Variants in DLX3 observed in about 807,000 individuals in gnomAD.
DLX3 encodes the protein homeobox protein DLX-3.
In DLX3, 9 loss-of-function variants were observed where a neutral mutation model predicts 28.0. The ratio of observed to expected loss-of-function variants is 0.32; its 90% CI spans 0.19 to 0.56. The LOEUF is 0.56. Among genes scored for constraint, DLX3 ranks in the 20% least tolerant of loss-of-function variants. DLX3 has a pLI of 0.91. For missense variants in DLX3, 313 were observed against 378.2 expected (o/e 0.83, Z 1.43); for synonymous variants, 154 against 167.9 (o/e 0.92, Z 0.64).
intron 2 of DLX3, 107 bp downstream of exon 2, chr17:49,993,293 A>AACTCTT (rs1906157173): frequency 8.3e-7 from 1 of 1,208,344 alleles, no homozygotes; most frequent in African/African-American, 1.5e-5. Flanking sequence ...CAAAGGCAAG[A>AACTCTT]GTTCCAGGAG....
At position 49,995,050 on chromosome 17, in the gene DLX3, G is replaced by A. The variant is rs751977901; in HGVS notation, c.-52C>T. ...GCTGGCCTCCGCAGAGGACAGGAAC[G>A]GACCGGAGTGCGAGAGAGGCGGAAG... On this transcript the variant is annotated 5_prime_UTR_variant, in exon 1 of 3. Transcript: ENST00000434704. 8.2e-6 allele frequency: 13 copies of A among 1,589,668 alleles called. No individual in the cohort carries two copies. The Admixed American group carries it at 2.3e-4, about 28-fold the overall frequency.
chr17:49,992,980 A>C (rs1906144468), intron 2 of DLX3, among the ~76,000 whole-genome samples: 2 of 152,220 alleles, frequency 1.3e-5, no homozygotes, highest in Admixed American at 1.3e-4. Flanking sequence ...ATCGTTATGC[A>C]CAATGACCCC....
Position 49,991,429 on chromosome 17 carries a change from C to G in DLX3, c.*88G>C, listed in dbSNP as rs1161012333. ...GGAAAGGGAGTTCCTTTTCCCTGTG[C>G]TCCTCGATGATTCCTGAGTGGCTAG... On this transcript the variant is annotated 3_prime_UTR_variant, in exon 3 of 3. Coordinates refer to ENST00000434704, the MANE Select transcript of DLX3 (RefSeq NM_005220.3). The G allele has an allele frequency of 8.4e-7, 1 of 1,187,722 alleles. No homozygotes were observed. The highest frequency in any genetic ancestry group is 1.2e-6 in the Non-Finnish European group (1 of 858,500). The allele number at this position is 1,187,722 out of a possible 1,614,324, so 73.6% of individuals were successfully genotyped here.
intron 2 of DLX3, among the ~76,000 whole-genome samples, chr17:49,993,017 A>G (rs1413480661): frequency 1.3e-5 from 2 of 152,296 alleles, no homozygotes; most frequent in African/African-American, 4.8e-5. Context: ...TTACATGAGC[A>G]TCCTCCGGTG....
rs543871008 is a variant in DLX3 at position 49,995,129 on chromosome 17, G to C, written c.-131C>G. Reference sequence around the variant, plus strand: ...GCGAAGGGAGGACCCGGCCGCGTCTGGGGGGAGGGGGAGGCCGAGAGGCGC... The same window carrying C: ...GCGAAGGGAGGACCCGGCCGCGTCTCGGGGGAGGGGGAGGCCGAGAGGCGC... On this transcript the variant is annotated 5_prime_UTR_variant, in exon 1 of 3. Coordinates refer to ENST00000434704, the MANE Select transcript of DLX3 (RefSeq NM_005220.3). 9,361 of 1,175,136 alleles carry C rather than the reference G, an allele frequency of 8.0e-3. 49 individuals carry two copies. Among genetic ancestry groups the C allele is most frequent in the Non-Finnish European group, 9.9e-3 (8,103 of 821,620 alleles). 72.8% of individuals were successfully genotyped at this position (1,175,136 alleles called of 1,614,324 possible).
chr17:49,994,776 C>T lies in DLX3; in HGVS notation c.223G>A (p.Ala75Thr). The change falls in exon 1 of 3, where the codon GCA (alanine) becomes ACA (threonine). Residue 75 changes from alanine (A) to threonine (T), a missense_variant. By Grantham distance (58) the Ala-to-Thr change is moderately conservative. This residue lies in a region of DLX3 where 183 missense variants were observed against 197.7 expected (regional missense o/e 0.93). Coordinates refer to ENST00000434704, the MANE Select transcript of DLX3 (RefSeq NM_005220.3). ...YHHQFNLNGL[A>T]GTGAYSPKSE... ...TTGGGCGAGTAAGCGCCCGTGCCTG[C>T]AAGCCCATTGAGATTGAATTGGTGG... 3.1e-6 allele frequency: 5 copies of T among 1,614,236 alleles called. No individual in the cohort carries two copies. Among genetic ancestry groups the T allele is most frequent in the Non-Finnish European group, 4.2e-6 (5 of 1,180,038 alleles).
At chr17:49,993,910 C>T (rs1183029908) in intron 1 of DLX3, among the ~76,000 whole-genome samples, 1 of 152,092 alleles carries the variant, frequency 6.6e-6, no homozygotes, top group South Asian at 2.1e-4. Flanking sequence ...CCTCGGGGCT[C>T]CTCGCCGCCC....
In DLX3 at chr17:49,995,004, C is replaced by T. The variant is rs769426660; in HGVS notation, c.-6G>A. On this transcript the variant is annotated 5_prime_UTR_variant, in exon 1 of 3. Coordinates refer to ENST00000434704, the MANE Select transcript of DLX3 (RefSeq NM_005220.3). Reference sequence around the variant, plus strand: ...CGATCGAAGGAGCCACTCATCCTGGCGGGCGCTGCACCTCCCCAGGGCTGG... The same window carrying T: ...CGATCGAAGGAGCCACTCATCCTGGTGGGCGCTGCACCTCCCCAGGGCTGG... The T allele has an allele frequency of 2.3e-5, 37 of 1,609,996 alleles. No individual in the cohort carries two copies. Among genetic ancestry groups the T allele is most frequent in the Non-Finnish European group, 3.1e-5 (37 of 1,179,906 alleles).
chr17:49,993,217 T>C (rs990637983), intron 2 of DLX3, among the ~76,000 whole-genome samples, 183 bp downstream of exon 2: 2 of 152,228 alleles, frequency 1.3e-5, no homozygotes, highest in African/African-American at 4.8e-5. Context: ...TTCACAACTA[T>C]GCTCACTTGT....
chr17:49,991,393 G>A lies in DLX3; in HGVS notation c.*124C>T. 1.1e-6 allele frequency: 1 copy of A among 882,086 alleles called. No homozygotes were observed. The highest frequency in any genetic ancestry group is 1.8e-5 in the South Asian group (1 of 56,490). 54.6% of individuals were successfully genotyped at this position (882,086 alleles called of 1,614,324 possible). A position where few individuals can be genotyped will look rare whatever the true frequency, so the allele number is the denominator to read the frequency against. On this transcript the variant is annotated 3_prime_UTR_variant, in exon 3 of 3. Transcript: ENST00000434704. ...AGCGCTTGGGTCCCTGGAGGAAGGG[G>A]CAAGGGAGGGGGAAAGGGAGTTCCT...
Position 49,991,241 on chromosome 17 carries a change from G to A in DLX3, c.*276C>T, listed in dbSNP as rs1906074237. 2.2e-6 allele frequency: 1 copy of A among 453,038 alleles called. No individual in the cohort carries two copies. The highest frequency in any genetic ancestry group is 3.9e-6 in the Non-Finnish European group (1 of 257,332). 28.1% of individuals were successfully genotyped at this position (453,038 alleles called of 1,614,324 possible). A position where few individuals can be genotyped will look rare whatever the true frequency, so the allele number is the denominator to read the frequency against. ...CATTTAAAGCCAATCCAGGCTCCTG[G>A]AGCAGGTAGGGGAATGGCTGTCCCC... On this transcript the variant is annotated 3_prime_UTR_variant, in exon 3 of 3. Coordinates refer to ENST00000434704, the MANE Select transcript of DLX3 (RefSeq NM_005220.3).
chr17:49,994,508 T>C, intron 1 of DLX3, among the ~76,000 whole-genome samples, 166 bp downstream of exon 1: 1 of 152,242 alleles, frequency 6.6e-6, no homozygotes, highest in South Asian at 2.1e-4. Flanking sequence ...CACCCGGGGC[T>C]GGAAGGTCGC....
Position 49,995,151 on chromosome 17 carries a change from G to T in DLX3, c.-153C>A. ...TCTGGGGGGAGGGGGAGGCCGAGAG[G>T]CGCTTACACCATTGCCTGCCGTCAG... On this transcript the variant is annotated 5_prime_UTR_variant, in exon 1 of 3. Transcript: ENST00000434704. 2.1e-6 allele frequency: 2 copies of T among 936,256 alleles called. No individual in the cohort carries two copies. The highest frequency in any genetic ancestry group is 1.6e-6 in the Non-Finnish European group (1 of 607,472). 58.0% of individuals were successfully genotyped at this position (936,256 alleles called of 1,614,324 possible).
At chr17:49,994,045 G>C (rs1308454698) in intron 1 of DLX3, among the ~76,000 whole-genome samples, 1 of 151,720 alleles carries the variant, frequency 6.6e-6, no homozygotes, top group Non-Finnish European at 1.5e-5. Flanking sequence ...CAGAAAAGTT[G>C]CAAGGATAGT....
Position 49,993,589 on chromosome 17 carries a change from C to T in DLX3, c.327G>A (p.Val109=). The change falls in exon 2 of 3, where the codon GTG becomes GTA. Residue 109 remains valine (V), a splice_region_variant and synonymous_variant. Transcript: ENST00000434704. ...CTGCTTCCGGCTCCTCCTTCACCGA[C>T]ACTGCGGGGAACGCACCGGGCGGAA... ...REQPLPAQDP[V]SVKEEPEAEV... The T allele has an allele frequency of 6.2e-7, 1 of 1,613,310 alleles. No individual in the cohort carries two copies. The highest frequency in any genetic ancestry group is 8.5e-7 in the Non-Finnish European group (1 of 1,179,626).
chr17:49,993,740 G>A, intron 1 of DLX3, 150 bp from the exon 2 acceptor site: 7 of 803,050 alleles, frequency 8.7e-6, no homozygotes, highest in Non-Finnish European at 1.2e-5. Flanking sequence ...CCGCGGCCCA[G>A]GGGGGAGCCG....
At chr17:49,994,063 T>C (rs537326896) in intron 1 of DLX3, among the ~76,000 whole-genome samples, 2 of 151,926 alleles carry the variant, frequency 1.3e-5, no homozygotes, top group South Asian at 4.2e-4. Flanking sequence ...AGTGCAGACT[T>C]TCTTTCTTTC....
rs954322986 is a variant in DLX3 at position 49,990,784 on chromosome 17, G to T, written c.*733C>A. On this transcript the variant is annotated 3_prime_UTR_variant, in exon 3 of 3. Coordinates refer to ENST00000434704, the MANE Select transcript of DLX3 (RefSeq NM_005220.3). ...CAAAGTTGTGCAAAGTCCTGGACAT[G>T]GAAGAAATAAGTCCATAGGAAAAAC... The T allele has an allele frequency of 5.2e-5, 8 of 152,624 alleles. No individual in the cohort carries two copies. The highest frequency in any genetic ancestry group is 1.9e-4 in the African/African-American group (8 of 41,446). The allele number at this position is 152,624 out of a possible 1,614,324, so 9.5% of individuals were successfully genotyped here.
intron 1 of DLX3, among the ~76,000 whole-genome samples, chr17:49,994,042 G>T (rs981170575): frequency 6.6e-6 from 1 of 151,898 alleles, no homozygotes; most frequent in African/African-American, 2.4e-5. Flanking sequence ...TTTCAGAAAA[G>T]TTGCAAGGAT....
Sources: allele counts gnomAD v4.1 joint callset (sites outside exome capture counted in the v4.1 genomes callset), GRCh38; gene constraint gnomAD v4.1.1; regional missense constraint gnomAD v4.1.1; transcripts MANE v1.5; gene names NCBI Gene and HGNC (gene_info 2026-07-23, HGNC 2026-07-21).